Variants in UNC79 observed in about 807,000 individuals in gnomAD.
The protein encoded by UNC79 is unc-79 subunit of NALCN channel complex.
Under a neutral mutation model 283.1 loss-of-function variants are expected in UNC79, and 37 were observed. That is an observed-to-expected ratio of 0.13 (90% CI 0.10 to 0.17). The LOEUF is 0.17. UNC79 is among the 10% of genes least tolerant of loss of function. The pLI, the probability that UNC79 is intolerant of heterozygous loss-of-function variation, is 1.00. For missense variants in UNC79, 2,272 were observed against 3,211.1 expected (o/e 0.71, Z 7.07); for synonymous variants, 1,107 against 1,200.2 (o/e 0.92, Z 1.61).
Position 93,364,945 on chromosome 14 carries a change from G to C in UNC79, c.-351+31422G>C, listed in dbSNP as rs920027693. On this transcript the variant is annotated intron_variant, in intron 1 of 49. Coordinates refer to the UNC79 transcript ENST00000256339. ...GACAGAAATTCTCAAGTACAGAAGT[G>C]CTCAGGGCTGGGTGCAATGGCTCAT... Among the ~76,000 whole-genome samples the C allele has an allele frequency of 7.2e-5, 11 of 152,100 alleles. No homozygotes were observed. The East Asian group carries it at 9.7e-4, about 13-fold the overall frequency.
chr14:93,387,940 G>A (rs577726056), intron 1 of UNC79, among the ~76,000 whole-genome samples: 1 of 152,064 alleles, frequency 6.6e-6, no homozygotes, highest in Non-Finnish European at 1.5e-5. Context: ...ATTTACAATT[G>A]TTATATCCTC....
intron 30 of UNC79, among the ~76,000 whole-genome samples, chr14:93,630,253 G>A (rs1424952992): frequency 4.6e-5 from 7 of 152,224 alleles, no homozygotes; most frequent in Non-Finnish European, 1.5e-5. Context: ...TTATAGTGTG[G>A]TAAGTCTGGA....
intron 7 of UNC79, 26 bp downstream of exon 7, chr14:93,497,312 C>A: frequency 6.2e-7 from 1 of 1,603,412 alleles, no homozygotes; most frequent in East Asian, 2.2e-5. Flanking sequence ...CCCTGTGATG[C>A]CCCATCTGTA....
chr14:93,540,554 G>C, intron 12 of UNC79, 106 bp from the exon 13 acceptor site: 1 of 1,258,534 alleles, frequency 7.9e-7, no homozygotes, highest in Non-Finnish European at 1.1e-6. Flanking sequence ...TTAAAGAAGA[G>C]CAATCCAGGA....
In UNC79 at chr14:93,617,713, G is replaced by T. The variant is rs1400411572; in HGVS notation, c.4224+409G>T. Among the ~76,000 whole-genome samples, 1 of 152,122 alleles carries T rather than the reference G, an allele frequency of 6.6e-6. No homozygotes were observed. The highest frequency in any genetic ancestry group is 1.5e-5 in the Non-Finnish European group (1 of 68,004). On this transcript the variant is annotated intron_variant, in intron 28 of 48. Transcript: ENST00000555664. This position sits in a 1 kb window ranked among gnomAD's most constrained non-coding sequence, Gnocchi z 4.5. The stretch of plus-strand genomic sequence containing the variant: ...TGGCATGCATTGCTGTCAGTGGTTT[G>T]GTGAAGGAGGAAATGAATATGGTCC...
At chr14:93,427,878 G>A (rs993713136), upstream of UNC79, among the ~76,000 whole-genome samples, 1 of 152,086 alleles carries the variant, frequency 6.6e-6, no homozygotes, top group Non-Finnish European at 1.5e-5. Context: ...AAAATATTAA[G>A]ATTTGATGAG....
chr14:93,691,586 T>C, intron 45 of UNC79, 163 bp from the exon 49 acceptor site: 1 of 699,306 alleles, frequency 1.4e-6, no homozygotes. Context: ...GCACAGCAGA[T>C]AGTTTCAAGG....
At position 93,614,635 on chromosome 14, in the gene UNC79, T is replaced by TAAAAA. The variant is rs60270149; in HGVS notation, c.4041+1566_4041+1570dup. 2.3e-3 allele frequency among the ~76,000 whole-genome samples: 317 copies of TAAAAA among 138,918 alleles called. 3 individuals are homozygous for TAAAAA. Among genetic ancestry groups the TAAAAA allele is most frequent in the African/African-American group, 8.0e-3 (304 of 37,852 alleles). 91.1% of individuals were successfully genotyped at this position (138,918 alleles called of 152,430 possible). On this transcript the variant is annotated intron_variant, in intron 27 of 48. Coordinates refer to ENST00000555664, the Ensembl canonical transcript of UNC79. ...CGCCCGGCCACTGTTTGTGTGTGTT[T>TAAAAA]AAAAAAAAAAAAAAAAAATCCTCTT... is the stretch of plus-strand genomic sequence containing the variant.
intron 1 of UNC79, among the ~76,000 whole-genome samples, chr14:93,385,021 C>T (rs2054740247): frequency 6.6e-6 from 1 of 152,200 alleles, no homozygotes; most frequent in African/African-American, 2.4e-5. Context: ...TAGGTTCTCT[C>T]TTCTATTCCA....
At chr14:93,674,154 TA>T (rs777810344) in intron 41 of UNC79, among the ~76,000 whole-genome samples, 21 of 151,702 alleles carry the variant, frequency 1.4e-4, no homozygotes, top group Non-Finnish European at 2.2e-4. Context: ...GAGAAAGAGG[TA>T]AAAAAACTCC....
intron 1 of UNC79, among the ~76,000 whole-genome samples, chr14:93,458,002 G>A (rs2056843883): frequency 6.6e-6 from 1 of 152,166 alleles, no homozygotes; most frequent in Non-Finnish European, 1.5e-5. Context: ...AAATAAAAAG[G>A]TTTCAGGCAT....
chr14:93,559,771 G>T (rs1022052134), intron 14 of UNC79, among the ~76,000 whole-genome samples: 11 of 152,090 alleles, frequency 7.2e-5, no homozygotes, highest in African/African-American at 2.7e-4. Flanking sequence ...ACTTTCTTCG[G>T]GCCATCTGGA....
chr14:93,655,053 T>A (rs867119693), intron 37 of UNC79, among the ~76,000 whole-genome samples, 181 bp from the exon 41 acceptor site: 1 of 152,314 alleles, frequency 6.6e-6, no homozygotes, highest in Non-Finnish European at 1.5e-5. Flanking sequence ...TTTTCCCCCT[T>A]AAGTTTGTCT....
chr14:93,333,290 A>G (rs2053496819), exon 1 of UNC79: 2 of 364,810 alleles, frequency 5.5e-6, no homozygotes, highest in Non-Finnish European at 9.6e-6. Flanking sequence ...CATCCTGCTT[A>G]GTCCAGCGAA....
chr14:93,634,245 A>G (rs2068304290), intron 31 of UNC79, among the ~76,000 whole-genome samples: 1 of 152,248 alleles, frequency 6.6e-6, no homozygotes, highest in Non-Finnish European at 1.5e-5. Flanking sequence ...TTTTAAAAGT[A>G]GATGAAGATA....
At chr14:93,355,407 C>T (rs1397237632) in intron 1 of UNC79, among the ~76,000 whole-genome samples, 8 of 152,194 alleles carry the variant, frequency 5.3e-5, no homozygotes, top group Admixed American at 5.2e-4. Context: ...CCATATTGGC[C>T]AGGCTGGTCT....
At chr14:93,665,405 A>C (rs886725350) in intron 40 of UNC79, among the ~76,000 whole-genome samples, 4 of 151,860 alleles carry the variant, frequency 2.6e-5, no homozygotes, top group Non-Finnish European at 5.9e-5. Flanking sequence ...GAAGAGAGAG[A>C]TAAAGAGATG....
intron 1 of UNC79, among the ~76,000 whole-genome samples, chr14:93,356,132 A>G (rs140721001): frequency 2.0e-5 from 3 of 151,438 alleles, no homozygotes; most frequent in East Asian, 1.9e-4. Context: ...GGTTCAAGCA[A>G]TTCTCCTGCC....
At chr14:93,472,810 A>G (rs914202665) in intron 2 of UNC79, among the ~76,000 whole-genome samples, 1 of 152,146 alleles carries the variant, frequency 6.6e-6, no homozygotes, top group Non-Finnish European at 1.5e-5. Context: ...CTGTAAAACA[A>G]GGTTATTTTT....
Sources: allele counts gnomAD v4.1 joint callset (sites outside exome capture counted in the v4.1 genomes callset), GRCh38; gene constraint gnomAD v4.1.1; non-coding constraint Gnocchi (gnomAD v3.1); transcripts MANE v1.5; gene names NCBI Gene and HGNC (gene_info 2026-07-23, HGNC 2026-07-21).